The following UNC5D variants were observed in gnomAD, a reference collection of about 807,000 sequenced individuals.
The protein encoded by UNC5D is netrin receptor UNC5D.
Under a neutral mutation model 105.4 loss-of-function variants are expected in UNC5D, and 39 were observed. That is an observed-to-expected ratio of 0.37 (90% CI 0.29 to 0.48). The LOEUF (loss-of-function observed/expected upper bound fraction) is 0.48. UNC5D is among the 20% of genes least tolerant of loss of function. The pLI, the probability that UNC5D is intolerant of heterozygous loss-of-function variation, is 0.98. For synonymous variants in UNC5D, 452 were observed against 450.4 expected, an observed-to-expected ratio of 1.00 and a Z score of -0.04; for missense variants, 991 against 1,202.4, an observed-to-expected ratio of 0.82 and a Z score of 2.60.
intron 4 of UNC5D, among the ~76,000 whole-genome samples, chr8:35,660,097 C>T (rs1332597887): frequency 6.6e-6 from 1 of 152,108 alleles, no homozygotes; most frequent in Non-Finnish European, 1.5e-5. Flanking sequence ...ACCTTTTATC[C>T]CAAATAAAAT....
At chr8:35,722,089 A>C (rs1828610558) in intron 8 of UNC5D, 121 bp from the exon 9 acceptor site, 1 of 1,093,292 alleles carries the variant, frequency 9.1e-7, no homozygotes, top group Non-Finnish European at 1.3e-6. Context: ...TTCACTGTAC[A>C]TCTGTCATTG....
chr8:35,555,520 TA>T (rs1816477554), intron 2 of UNC5D, among the ~76,000 whole-genome samples: 1 of 152,136 alleles, frequency 6.6e-6, no homozygotes, highest in African/African-American at 2.4e-5. Flanking sequence ...AAGAAGTGTG[TA>T]CATTGATTTA....
chr8:35,658,903 C>T (rs1322836761), intron 4 of UNC5D, among the ~76,000 whole-genome samples: 1 of 152,116 alleles, frequency 6.6e-6, no homozygotes, highest in African/African-American at 2.4e-5. Flanking sequence ...GATCCGCCGG[C>T]CTCGGCCTTC....
At chr8:35,330,874 A>G (rs1172127900) in intron 1 of UNC5D, among the ~76,000 whole-genome samples, 1 of 152,156 alleles carries the variant, frequency 6.6e-6, no homozygotes, top group Non-Finnish European at 1.5e-5. Context: ...AGTGGGTTTA[A>G]AAATGATTGT....
At chr8:35,614,289 T>G (rs1377803693) in intron 4 of UNC5D, among the ~76,000 whole-genome samples, 1 of 152,192 alleles carries the variant, frequency 6.6e-6, no homozygotes, top group Non-Finnish European at 1.5e-5. Flanking sequence ...CACTAGACTA[T>G]TGTGTTTAAC....
intron 1 of UNC5D, among the ~76,000 whole-genome samples, chr8:35,507,156 C>T (rs938986023): frequency 4.1e-5 from 6 of 146,716 alleles, no homozygotes; most frequent in Non-Finnish European, 7.5e-5. Flanking sequence ...CCCGGGTTCA[C>T]GCCATTCTCC....
intron 1 of UNC5D, among the ~76,000 whole-genome samples, chr8:35,316,102 T>C (rs764158146): frequency 2.2e-4 from 34 of 152,150 alleles, no homozygotes; most frequent in Non-Finnish European, 1.0e-4. Flanking sequence ...ATTAATCGAA[T>C]AGTATATTGA....
chr8:35,525,318 T>C, intron 1 of UNC5D: 1 of 1,612,244 alleles, frequency 6.2e-7, no homozygotes, highest in Non-Finnish European at 8.5e-7. Flanking sequence ...TTTACAGTTT[T>C]CCACTTGATA....
intron 11 of UNC5D, among the ~76,000 whole-genome samples, chr8:35,737,827 C>T (rs966839332): frequency 6.6e-6 from 1 of 152,134 alleles, no homozygotes; most frequent in African/African-American, 2.4e-5. Flanking sequence ...AAAATCTCAG[C>T]TGGGCTTGGT....
At chr8:35,553,165 T>C (rs1253505162) in intron 2 of UNC5D, among the ~76,000 whole-genome samples, 1 of 152,198 alleles carries the variant, frequency 6.6e-6, no homozygotes, top group African/African-American at 2.4e-5. Flanking sequence ...TCCCTTCTCA[T>C]ATAAAGACCT....
chr8:35,266,744 T>C (rs1175006154), intron 1 of UNC5D, among the ~76,000 whole-genome samples: 4 of 152,182 alleles, frequency 2.6e-5, no homozygotes, highest in Admixed American at 2.6e-4. Flanking sequence ...CAAATGCAAG[T>C]TTCTTCACTC....
intron 12 of UNC5D, 86 bp from the exon 13 acceptor site, chr8:35,750,496 G>A: frequency 2.2e-6 from 3 of 1,352,176 alleles, no homozygotes; most frequent in Non-Finnish European, 3.2e-6. Flanking sequence ...TTATATTTGT[G>A]TGTTTATTTA....
chr8:35,408,465 G>A (rs1563388625), intron 1 of UNC5D, among the ~76,000 whole-genome samples: 1 of 150,318 alleles, frequency 6.7e-6, no homozygotes, highest in African/African-American at 2.4e-5. Context: ...TCCTTTCTGT[G>A]TGTACCATTT....
chr8:35,458,472 C>T (rs1446329076), intron 1 of UNC5D, among the ~76,000 whole-genome samples: 3 of 152,092 alleles, frequency 2.0e-5, no homozygotes, highest in African/African-American at 7.2e-5. Flanking sequence ...GAGATTCCGT[C>T]CCTTTTCCCT....
At chr8:35,236,004 C>A in intron 1 of UNC5D, 117 bp downstream of exon 1, 1 of 910,568 alleles carries the variant, frequency 1.1e-6, no homozygotes, top group Non-Finnish European at 1.4e-6. Flanking sequence ...CCTCGGCGCT[C>A]CAAGCCCAAC....
rs113646033 is a variant in UNC5D, at chr8:35,681,099, C to T, written c.571-2448C>T. Among the ~76,000 whole-genome samples, 167 of 152,236 alleles carry T rather than the reference C, an allele frequency of 1.1e-3. 1 individual carries two copies. The highest frequency in any genetic ancestry group is 3.9e-3 in the African/African-American group (160 of 41,532). On this transcript the variant is annotated intron_variant, in intron 4 of 16. Coordinates refer to ENST00000404895, the MANE Select transcript of UNC5D (RefSeq NM_080872.4). ...TATTGACTTTACAGTAAGTGTTACA[C>T]CTTAACATTAACTGTAGAGGCAAGA...
chr8:35,422,447 C>A (rs1221761628), intron 1 of UNC5D, among the ~76,000 whole-genome samples: 1 of 152,194 alleles, frequency 6.6e-6, no homozygotes, highest in Admixed American at 6.5e-5. Context: ...CAGTGAATGT[C>A]TGGAAACTTA....
At chr8:35,600,176 C>A (rs541634800) in intron 4 of UNC5D, among the ~76,000 whole-genome samples, 3 of 152,240 alleles carry the variant, frequency 2.0e-5, no homozygotes, top group South Asian at 2.1e-4. Flanking sequence ...TGTATATGAG[C>A]CACATTTTCT....
chr8:35,500,916 G>A (rs1346827172), intron 1 of UNC5D, among the ~76,000 whole-genome samples: 2 of 151,878 alleles, frequency 1.3e-5, no homozygotes, highest in African/African-American at 4.8e-5. Context: ...TCTAATAGGG[G>A]TTTGGAAATT....
Sources: gnomAD v4.1 joint callset for allele counts (sites outside exome capture counted in the v4.1 genomes callset) on GRCh38, gnomAD v4.1.1 for gene constraint, MANE v1.5 for transcripts, NCBI Gene and HGNC (gene_info 2026-07-23, HGNC 2026-07-21) for gene names.